Variants in GALNT17 observed in about 807,000 individuals in gnomAD.
The protein encoded by GALNT17 is polypeptide N-acetylgalactosaminyltransferase 17, also known as UDP-GalNAc:polypeptide N-acetylgalactosaminyltransferase-like 3.
GALNT17 carries 29 observed loss-of-function variants against 63.7 expected under a neutral mutation model. The ratio of observed to expected loss-of-function variants is 0.46; its 90% CI spans 0.34 to 0.62. The LOEUF (loss-of-function observed/expected upper bound fraction) is 0.62, where lower values mean the gene tolerates loss of function less well. Among genes scored for constraint, GALNT17 ranks in the 20% least tolerant of loss-of-function variants. The probability of loss-of-function intolerance (pLI) is 0.01; values close to 1 mark genes in which losing one functional copy is unlikely to be tolerated. For synonymous variants in GALNT17, 305 were observed against 318.3 expected (o/e 0.96, Z 0.45); for missense variants, 603 against 799.6 (o/e 0.75, Z 2.97).
At chr7:71,513,269 A>G (rs1788392620) in intron 5 of GALNT17, among the ~76,000 whole-genome samples, 1 of 152,172 alleles carries the variant, frequency 6.6e-6, no homozygotes, top group Admixed American at 6.5e-5. Flanking sequence ...GAAAATTTAC[A>G]CATATACAAA....
At chr7:71,227,237 G>A (rs1332751864) in intron 1 of GALNT17, among the ~76,000 whole-genome samples, 1 of 150,478 alleles carries the variant, frequency 6.6e-6, no homozygotes, top group Non-Finnish European at 1.5e-5. Flanking sequence ...GGTGGTATGT[G>A]CCAGTAGTCG....
chr7:71,161,486 G>A (rs550018270), intron 1 of GALNT17, among the ~76,000 whole-genome samples: 1 of 152,184 alleles, frequency 6.6e-6, no homozygotes, highest in African/African-American at 2.4e-5. Flanking sequence ...TTACGAATAT[G>A]CTTTCCACAG....
At chr7:71,412,127 C>T (rs1793439830) in intron 3 of GALNT17, among the ~76,000 whole-genome samples, 1 of 152,142 alleles carries the variant, frequency 6.6e-6, no homozygotes, top group Non-Finnish European at 1.5e-5. Context: ...TCTACATTCT[C>T]TATCCAGCCC....
intron 6 of GALNT17, among the ~76,000 whole-genome samples, chr7:71,607,121 ATG>A (rs1790059009): frequency 6.6e-6 from 1 of 152,148 alleles, no homozygotes; most frequent in Non-Finnish European, 1.5e-5. Context: ...GCAGTGAGCC[ATG>A]GTCATATCGC....
intron 5 of GALNT17, among the ~76,000 whole-genome samples, chr7:71,563,858 T>G (rs1351506653): frequency 1.3e-5 from 2 of 152,074 alleles, no homozygotes; most frequent in Non-Finnish European, 2.9e-5. Flanking sequence ...GGATTACAGG[T>G]GTGAGCCACC....
At chr7:71,289,452 C>T (rs1790937255) in intron 1 of GALNT17, among the ~76,000 whole-genome samples, 1 of 152,032 alleles carries the variant, frequency 6.6e-6, no homozygotes, top group African/African-American at 2.4e-5. Flanking sequence ...ACATCAGATT[C>T]ATGCCAGTGC....
At chr7:71,513,941 C>T (rs1349912599) in intron 5 of GALNT17, among the ~76,000 whole-genome samples, 1 of 152,016 alleles carries the variant, frequency 6.6e-6, no homozygotes, top group Admixed American at 6.6e-5. Context: ...CCGGTCATCC[C>T]AGCACTTTGC....
chr7:71,490,125 G>A (rs1385933630), intron 5 of GALNT17, among the ~76,000 whole-genome samples: 1 of 152,062 alleles, frequency 6.6e-6, no homozygotes, highest in African/African-American at 2.4e-5. Context: ...TGGGCGTGGT[G>A]GCGGCACCTG....
chr7:71,410,971 A>G (rs941032584), intron 3 of GALNT17, among the ~76,000 whole-genome samples: 5 of 152,140 alleles, frequency 3.3e-5, no homozygotes, highest in Admixed American at 6.5e-5. Flanking sequence ...GAGTTTCTGC[A>G]TTTATTTTTG....
intron 1 of GALNT17, among the ~76,000 whole-genome samples, chr7:71,163,218 C>G (rs1195570441): frequency 6.6e-6 from 1 of 152,114 alleles, no homozygotes; most frequent in East Asian, 1.9e-4. Context: ...GGAAGACTTG[C>G]AGGGGAACAG....
intron 9 of GALNT17, among the ~76,000 whole-genome samples, chr7:71,678,574 G>C (rs1302765206): frequency 6.6e-6 from 1 of 151,894 alleles, no homozygotes; most frequent in Non-Finnish European, 1.5e-5. Flanking sequence ...GAGGTGGGCA[G>C]ATCATGAGGT....
At chr7:71,575,684 G>A (rs1209240043) in intron 6 of GALNT17, among the ~76,000 whole-genome samples, 2 of 151,972 alleles carry the variant, frequency 1.3e-5, no homozygotes, top group Admixed American at 6.6e-5. Context: ...CACCGTGCCC[G>A]GCCATTTTTT....
intron 5 of GALNT17, among the ~76,000 whole-genome samples, chr7:71,445,678 C>A (rs2116532845): frequency 6.6e-6 from 1 of 152,256 alleles, no homozygotes; most frequent in East Asian, 1.9e-4. Context: ...CGATTAAATT[C>A]TTATAATTCC....
intron 5 of GALNT17, among the ~76,000 whole-genome samples, chr7:71,478,093 A>T (rs1318378328): frequency 1.3e-5 from 2 of 152,156 alleles, no homozygotes; most frequent in African/African-American, 2.4e-5. Context: ...TATTCTGGAC[A>T]CTGGAGTTTT....
intron 5 of GALNT17, among the ~76,000 whole-genome samples, chr7:71,446,878 C>T (rs1787171288): frequency 6.6e-6 from 1 of 152,176 alleles, no homozygotes; most frequent in Non-Finnish European, 1.5e-5. Flanking sequence ...TTTTGTTTAC[C>T]TCTATATCTC....
At chr7:71,527,878 G>C (rs59045355) in intron 5 of GALNT17, among the ~76,000 whole-genome samples, 15 of 152,034 alleles carry the variant, frequency 9.9e-5, no homozygotes, top group African/African-American at 3.4e-4. Context: ...ATTTGCACTC[G>C]CTTCACTACA....
At chr7:71,361,152 G>A (rs1339434198) in intron 2 of GALNT17, among the ~76,000 whole-genome samples, 6 of 152,118 alleles carry the variant, frequency 3.9e-5, no homozygotes, top group African/African-American at 1.2e-4. Flanking sequence ...CAGTGCTGTA[G>A]CCAACAGTGG....
intron 1 of GALNT17, among the ~76,000 whole-genome samples, chr7:71,148,870 A>ATATATATATATATG (rs1554333253): frequency 1.5e-5 from 2 of 133,852 alleles, no homozygotes; most frequent in Non-Finnish European, 3.1e-5. Context: ...TTATATATAT[A>ATATATATATATATG]TATATATATA....
chr7:71,491,648 T>C (rs1298698240), intron 5 of GALNT17, among the ~76,000 whole-genome samples: 1 of 152,094 alleles, frequency 6.6e-6, no homozygotes, highest in Non-Finnish European at 1.5e-5. Flanking sequence ...AGAATTTGGA[T>C]CTAAACCAGC....
Sources: gnomAD v4.1 joint callset for allele counts (sites outside exome capture counted in the v4.1 genomes callset) on GRCh38, gnomAD v4.1.1 for gene constraint, MANE v1.5 for transcripts, NCBI Gene and HGNC (gene_info 2026-07-23, HGNC 2026-07-21) for gene names.